CAMTA1: variants seen among roughly 807,000 people sequenced by gnomAD.
The protein encoded by CAMTA1 is calmodulin-binding transcription activator 1.
In CAMTA1, 27 loss-of-function variants were observed where a neutral mutation model predicts 170.9. The ratio of observed to expected loss-of-function variants is 0.16; its 90% CI spans 0.12 to 0.22. The LOEUF (loss-of-function observed/expected upper bound fraction) is 0.22, where lower values mean the gene tolerates loss of function less well. CAMTA1 is among the 10% of genes least tolerant of loss of function. CAMTA1 has a pLI of 1.00. For missense variants in CAMTA1, 1,619 were observed against 2,217.2 expected (o/e 0.73, Z 5.42); for synonymous variants, 833 against 891.5 (o/e 0.93, Z 1.17).
intron 4 of CAMTA1, among the ~76,000 whole-genome samples, chr1:7,101,628 TTGTG>T: frequency 6.6e-6 from 1 of 152,272 alleles, no homozygotes; most frequent in Non-Finnish European, 1.5e-5. Context: ...TTGCTTTGCG[TTGTG>T]TGTGTGAGCT....
At chr1:7,372,948 G>A (rs1012035543) in intron 5 of CAMTA1, among the ~76,000 whole-genome samples, 1 of 152,204 alleles carries the variant, frequency 6.6e-6, no homozygotes, top group South Asian at 2.1e-4. Flanking sequence ...GGCCAACCAG[G>A]TAGTGCTTCC....
chr1:7,455,238 G>A lies in CAMTA1; in HGVS notation c.439-12592G>A, dbSNP rs1446558570. Among the ~76,000 whole-genome samples, 2 of 152,194 alleles carry A rather than the reference G, an allele frequency of 1.3e-5. No individual in the cohort carries two copies. Among genetic ancestry groups the A allele is most frequent in the African/African-American group, 4.8e-5 (2 of 41,450 alleles). On this transcript the variant is annotated intron_variant, in intron 5 of 22. Transcript: ENST00000303635. The surrounding 1 kb of genome is among the most constrained non-coding windows in gnomAD (Gnocchi z 5.0). The stretch of plus-strand genomic sequence containing the variant: ...GAGCCGCGGCTCGGCATGGTTCTGC[G>A]TGTGTGTTTCCGACACTGGCTCCCA...
Position 7,523,883 on chromosome 1 carries a change from G to GA in CAMTA1, c.510+55992dup, listed in dbSNP as rs1012662759. Among the ~76,000 whole-genome samples the GA allele has an allele frequency of 4.6e-4, 58 of 125,024 alleles. No homozygotes were observed. In the South Asian group the frequency reaches 6.0e-3, roughly 13 times the overall value. 82.0% of individuals were successfully genotyped at this position (125,024 alleles called of 152,430 possible). A position where few individuals can be genotyped will look rare whatever the true frequency, so the allele number is the denominator to read the frequency against. On this transcript the variant is annotated intron_variant, in intron 6 of 22. Coordinates refer to ENST00000303635, the MANE Select transcript of CAMTA1 (RefSeq NM_015215.4). ...GGACGACAGAGTGAGACTCTATCTCGAAAAAAAAAATAATAATAATAATAA... is the reference window on the plus strand; with the variant it reads ...GGACGACAGAGTGAGACTCTATCTCGAAAAAAAAAAATAATAATAATAATAA...
rs2150660837 is a variant in CAMTA1, at chr1:7,609,453, G to A, written c.511-30947G>A. ...GTTAACAGCAAATCAAAGCCCCTCA[G>A]TGAGGGCAGCAGAGCAGCAGCCAGA... is the stretch of plus-strand genomic sequence containing the variant. On this transcript the variant is annotated intron_variant, in intron 6 of 22. Transcript: ENST00000303635. This position sits in a 1 kb window ranked among gnomAD's most constrained non-coding sequence, Gnocchi z 4.4. Among the ~76,000 whole-genome samples the A allele has an allele frequency of 6.6e-6, 1 of 152,198 alleles. No individual in the cohort carries two copies. The highest frequency in any genetic ancestry group is 1.5e-5 in the Non-Finnish European group (1 of 67,964).
In CAMTA1 at chr1:7,580,102, C is replaced by T. The variant is rs920782490; in HGVS notation, c.511-60298C>T. Among the ~76,000 whole-genome samples the T allele has an allele frequency of 7.2e-5, 11 of 152,252 alleles. No homozygotes were observed. Among genetic ancestry groups the T allele is most frequent in the African/African-American group, 2.7e-4 (11 of 41,474 alleles). On this transcript the variant is annotated intron_variant, in intron 6 of 22. Transcript: ENST00000303635. This position sits in a 1 kb window ranked among gnomAD's most constrained non-coding sequence, Gnocchi z 4.3. The stretch of plus-strand genomic sequence containing the variant: ...GCACACAGCTAGGAGCTGGGCCTTG[C>T]GGACCACAGGGAGCATCCCTGCCCA...
intron 16 of CAMTA1, 32 bp from the exon 17 acceptor site, chr1:7,744,803 A>G (rs755221307): frequency 6.3e-7 from 1 of 1,595,308 alleles, no homozygotes; most frequent in Admixed American, 1.7e-5. Context: ...GTTCCTTTCT[A>G]ACCTGAGTGT....
Position 7,682,938 on chromosome 1 carries a change from G to A in CAMTA1, c.2914+5205G>A, listed in dbSNP as rs545433921. Among the ~76,000 whole-genome samples, 30 of 152,306 alleles carry A rather than the reference G, an allele frequency of 2.0e-4. No individual in the cohort carries two copies. The highest frequency in any genetic ancestry group is 6.5e-4 in the African/African-American group (27 of 41,574). ...TGTGATCCCAGCACTTTGGGAGGCCGAGGCAGGCGGATCACAAGGTCAGGA... is the reference window on the plus strand; with the variant it reads ...TGTGATCCCAGCACTTTGGGAGGCCAAGGCAGGCGGATCACAAGGTCAGGA... On this transcript the variant is annotated intron_variant, in intron 11 of 22. Coordinates refer to ENST00000303635, the MANE Select transcript of CAMTA1 (RefSeq NM_015215.4). The surrounding 1 kb of genome is among the most constrained non-coding windows in gnomAD (Gnocchi z 5.0).
intron 7 of CAMTA1, among the ~76,000 whole-genome samples, chr1:7,648,739 C>A (rs954512368): frequency 6.6e-6 from 1 of 152,214 alleles, no homozygotes; most frequent in Non-Finnish European, 1.5e-5. Flanking sequence ...GACAATGGTT[C>A]CCCCTCAGAA....
intron 3 of CAMTA1, among the ~76,000 whole-genome samples, chr1:6,893,263 G>T (rs1465830354): frequency 5.9e-5 from 9 of 152,016 alleles, no homozygotes; most frequent in African/African-American, 1.9e-4. Flanking sequence ...TCCATCTCGA[G>T]GAAAAAAAGA....
intron 5 of CAMTA1, among the ~76,000 whole-genome samples, chr1:7,415,570 T>A (rs1452297432): frequency 6.6e-6 from 1 of 152,070 alleles, no homozygotes; most frequent in East Asian, 1.9e-4. Context: ...TATCAGAGAC[T>A]AGGATTGCAA....
At chr1:7,558,933 C>G (rs1468218412) in intron 6 of CAMTA1, among the ~76,000 whole-genome samples, 1 of 152,212 alleles carries the variant, frequency 6.6e-6, no homozygotes, top group African/African-American at 2.4e-5. Flanking sequence ...GCTGGTGCAG[C>G]CTTTTCACAA....
intron 18 of CAMTA1, 90 bp downstream of exon 18, chr1:7,746,181 T>C (rs1231613676): frequency 6.9e-7 from 1 of 1,450,628 alleles, no homozygotes; most frequent in East Asian, 2.3e-5. Context: ...AAACATTTAC[T>C]ATTTCTTTTT....
At chr1:7,279,259 C>G (rs962039605) in intron 5 of CAMTA1, among the ~76,000 whole-genome samples, 2 of 152,216 alleles carry the variant, frequency 1.3e-5, no homozygotes, top group African/African-American at 4.8e-5. Context: ...ATTGCCCACG[C>G]TTCTGCCAGG....
chr1:7,076,439 G>A (rs763431723), intron 3 of CAMTA1, among the ~76,000 whole-genome samples: 16 of 152,088 alleles, frequency 1.1e-4, no homozygotes, highest in Non-Finnish European at 1.9e-4. Flanking sequence ...GAGCTTTTGC[G>A]CTCCTTATCT....
At chr1:7,494,940 G>C (rs1020284497) in intron 6 of CAMTA1, among the ~76,000 whole-genome samples, 1 of 152,186 alleles carries the variant, frequency 6.6e-6, no homozygotes, top group African/African-American at 2.4e-5. Context: ...CTTCCCTCCT[G>C]TTCTCTACGC....
At chr1:6,987,279 C>T (rs1031255789) in intron 3 of CAMTA1, among the ~76,000 whole-genome samples, 3 of 152,042 alleles carry the variant, frequency 2.0e-5, no homozygotes, top group African/African-American at 4.8e-5. Flanking sequence ...TCTTCTGCCT[C>T]AGCCTCCCAA....
intron 7 of CAMTA1, among the ~76,000 whole-genome samples, chr1:7,650,455 C>G (rs538597105): frequency 1.2e-3 from 177 of 152,294 alleles, no homozygotes; most frequent in African/African-American, 3.9e-3. Flanking sequence ...TTGACAATGT[C>G]TGTCCCACTT....
intron 6 of CAMTA1, among the ~76,000 whole-genome samples, chr1:7,620,936 G>C (rs150294518): frequency 6.6e-6 from 1 of 152,242 alleles, no homozygotes; most frequent in Non-Finnish European, 1.5e-5. Context: ...CAGGGAGGAG[G>C]TGTTGGAGGA....
intron 4 of CAMTA1, among the ~76,000 whole-genome samples, chr1:7,107,596 C>T (rs932925291): frequency 6.6e-6 from 1 of 152,162 alleles, no homozygotes; most frequent in African/African-American, 2.4e-5. Flanking sequence ...AGCCGAGAAT[C>T]CCTGCAGGAG....
Sources: gnomAD v4.1 joint callset for allele counts (sites outside exome capture counted in the v4.1 genomes callset) on GRCh38, gnomAD v4.1.1 for gene constraint, Gnocchi (gnomAD v3.1) non-coding constraint, MANE v1.5 for transcripts, NCBI Gene and HGNC (gene_info 2026-07-23, HGNC 2026-07-21) for gene names.